Variants in TRMT61B observed in about 807,000 individuals in gnomAD.
TRMT61B encodes the protein tRNA (adenine(58)-N(1))-methyltransferase, mitochondrial.
In TRMT61B, 56 loss-of-function variants were observed where a neutral mutation model predicts 52.0. That is an observed-to-expected ratio of 1.08 (90% CI 0.87 to 1.35). The LOEUF (loss-of-function observed/expected upper bound fraction) is 1.35, where lower values mean the gene tolerates loss of function less well. TRMT61B is among the 40% of genes most tolerant of loss of function. TRMT61B has a pLI of 0.00. For missense variants in TRMT61B, 650 were observed against 577.9 expected, an observed-to-expected ratio of 1.12 and a Z score of -1.28; for synonymous variants, 206 against 220.0, an observed-to-expected ratio of 0.94 and a Z score of 0.56.
At position 28,869,562 on chromosome 2, in the gene TRMT61B, T is replaced by C; in HGVS notation, c.699+17A>G. On this transcript the variant is annotated intron_variant, in intron 1 of 6. Coordinates refer to ENST00000306108, the MANE Select transcript of TRMT61B (RefSeq NM_017910.4). Reference sequence around the variant, plus strand: ...CCCCTCCTGAAACCAATACACACCTTATCTCCATCGCATTACCTTTGGGAA... The same window carrying C: ...CCCCTCCTGAAACCAATACACACCTCATCTCCATCGCATTACCTTTGGGAA... 6.3e-7 allele frequency: 1 copy of C among 1,576,344 alleles called. No individual in the cohort carries two copies. Among genetic ancestry groups the C allele is most frequent in the Non-Finnish European group, 8.7e-7 (1 of 1,149,706 alleles).
chr2:28,867,739 A>G (rs983576090), intron 1 of TRMT61B, among the ~76,000 whole-genome samples: 1 of 152,138 alleles, frequency 6.6e-6, no homozygotes, highest in African/African-American at 2.4e-5. Context: ...TAAAATTACG[A>G]AAGTCTTTTA....
rs1302612587 is a variant in TRMT61B, at chr2:28,869,947, G to A, written c.331C>T (p.Arg111Trp). The change falls in exon 1 of 7, where the codon CGG (arginine) becomes TGG (tryptophan). Residue 111 changes from arginine to tryptophan, a missense_variant. Physicochemically the swap from Arg to Trp is moderately radical, Grantham distance 101. Transcript: ENST00000306108. ...GATCCCTGGTGTGTGGGACCGCACCGGCCCTGGTCTCCGCTCGAGTCCTCG... is the reference window on the plus strand; with the variant it reads ...GATCCCTGGTGTGTGGGACCGCACCAGCCCTGGTCTCCGCTCGAGTCCTCG... ...ELEDSSGDQG[R>W]CGPTHQGSED... The A allele has an allele frequency of 6.2e-7, 1 of 1,613,860 alleles. No homozygotes were observed. Among genetic ancestry groups the A allele is most frequent in the Non-Finnish European group, 8.5e-7 (1 of 1,179,998 alleles).
intron 3 of TRMT61B, among the ~76,000 whole-genome samples, chr2:28,857,081 G>C (rs1271575037): frequency 1.3e-5 from 2 of 151,888 alleles, no homozygotes; most frequent in African/African-American, 4.8e-5. Flanking sequence ...TTACTGGCTT[G>C]CACCATCACA....
Position 28,870,106 on chromosome 2 carries a change from G to T in TRMT61B, c.172C>A (p.Gln58Lys). ...GACTCTGCTCCTGGGGCTTTCCTTTGTGCCGCCTCGTGCTCTCTTTCTCCA... is the reference window on the plus strand; with the variant it reads ...GACTCTGCTCCTGGGGCTTTCCTTTTTGCCGCCTCGTGCTCTCTTTCTCCA... The part of the protein sequence containing the change: ...RDGEREHEAA[Q>K]RKAPGAESCP... Residue 58 changes from glutamine (Q) to lysine (K), a missense_variant, in exon 1 of 7, where the codon CAA becomes AAA. Coordinates refer to ENST00000306108, the MANE Select transcript of TRMT61B (RefSeq NM_017910.4). 6.2e-7 allele frequency: 1 copy of T among 1,614,036 alleles called. No homozygotes were observed. Among genetic ancestry groups the T allele is most frequent in the South Asian group, 1.1e-5 (1 of 91,074 alleles).
intron 3 of TRMT61B, among the ~76,000 whole-genome samples, chr2:28,858,378 T>A (rs1246120381): frequency 1.3e-5 from 2 of 152,066 alleles, no homozygotes; most frequent in African/African-American, 4.8e-5. Context: ...CTATTTTTTT[T>A]AATGGTTTAA....
chr2:28,854,499 C>G (rs766468734), intron 3 of TRMT61B, among the ~76,000 whole-genome samples: 1 of 151,752 alleles, frequency 6.6e-6, no homozygotes, highest in African/African-American at 2.4e-5. Context: ...CAGCACTTTG[C>G]GAGGCCGAGG....
At chr2:28,857,271 T>C (rs1375418572) in intron 3 of TRMT61B, among the ~76,000 whole-genome samples, 2 of 152,048 alleles carry the variant, frequency 1.3e-5, no homozygotes, top group African/African-American at 2.4e-5. Flanking sequence ...ATATTTCTTA[T>C]TCATTTTTTG....
intron 3 of TRMT61B, among the ~76,000 whole-genome samples, chr2:28,859,591 C>T (rs1367910110): frequency 6.6e-6 from 1 of 151,952 alleles, no homozygotes; most frequent in Non-Finnish European, 1.5e-5. Flanking sequence ...CCCCCAGCAG[C>T]TGACACCCCC....
Position 28,850,059 on chromosome 2 carries a change from T to G in TRMT61B, c.*140A>C, listed in dbSNP as rs1006839180. ...GCTATGTTATACATCTTTTAGTTGT[T>G]ATTTTCAAAATTATATGTATAAGTT... On this transcript the variant is annotated 3_prime_UTR_variant, in exon 7 of 7. Transcript: ENST00000306108. 1 of 1,165,472 alleles carries G rather than the reference T, an allele frequency of 8.6e-7. No homozygotes were observed. Among genetic ancestry groups the G allele is most frequent in the African/African-American group, 1.6e-5 (1 of 63,516 alleles). 72.2% of individuals were successfully genotyped at this position (1,165,472 alleles called of 1,614,324 possible).
rs1328292680 is a variant in TRMT61B, at chr2:28,851,274, T to C, written c.1110A>G (p.Leu370=). 4 of 1,612,762 alleles carry C rather than the reference T, an allele frequency of 2.5e-6. No individual in the cohort carries two copies. Among genetic ancestry groups the C allele is most frequent in the South Asian group, 1.1e-5 (1 of 90,712 alleles). ...VVNITQVIEL[L]DGIRTCELAL... is the part of the protein sequence containing the mutation. ...CAAGTTCACAGGTGCGAATTCCATCTAAAAGTTCAATAACCTGTGTGATGC... is the reference window on the plus strand; with the variant it reads ...CAAGTTCACAGGTGCGAATTCCATCCAAAAGTTCAATAACCTGTGTGATGC... The change falls in exon 5 of 7, where the codon TTA becomes TTG. Residue 370 remains leucine, a synonymous_variant. Coordinates refer to ENST00000306108, the MANE Select transcript of TRMT61B (RefSeq NM_017910.4).
chr2:28,851,201 C>T lies in TRMT61B; in HGVS notation c.1183G>A (p.Val395Ile). The T allele has an allele frequency of 6.2e-7, 1 of 1,613,550 alleles. No homozygotes were observed. Among genetic ancestry groups the T allele is most frequent in the Non-Finnish European group, 8.5e-7 (1 of 1,179,806 alleles). ...CCATTTTTCTGTTTTGCAAGGCAAA[C>T]CAACCAATCTCTGACAATGACCTCG... Reference protein sequence around the residue: ...ISEVIVRDWLVCLAKQKNGIL... With the variant: ...ISEVIVRDWLICLAKQKNGIL... The change falls in exon 5 of 7, where the codon GTT (valine) becomes ATT (isoleucine). Residue 395 changes from valine to isoleucine, a missense_variant. Transcript: ENST00000306108.
chr2:28,859,102 T>C (rs745597936), intron 3 of TRMT61B, among the ~76,000 whole-genome samples: 1 of 151,576 alleles, frequency 6.6e-6, no homozygotes, highest in Non-Finnish European at 1.5e-5. Flanking sequence ...TTTTTTGAGA[T>C]GCAGTCTCGC....
chr2:28,865,002 A>C lies in TRMT61B; in HGVS notation c.802+15T>G. 3 of 1,493,552 alleles carry C rather than the reference A, an allele frequency of 2.0e-6. No homozygotes were observed. The highest frequency in any genetic ancestry group is 1.1e-5 in the South Asian group (1 of 88,358). 92.5% of individuals were successfully genotyped at this position (1,493,552 alleles called of 1,614,324 possible). On this transcript the variant is annotated intron_variant, in intron 2 of 6. Coordinates refer to ENST00000306108, the MANE Select transcript of TRMT61B (RefSeq NM_017910.4). Reference sequence around the variant, plus strand: ...TTTCTTTGTTACTGAGATCCAGCTCAGTCCAATCTCTTACCTGCTTTGGAT... The same window carrying C: ...TTTCTTTGTTACTGAGATCCAGCTCCGTCCAATCTCTTACCTGCTTTGGAT...
At chr2:28,862,880 G>A (rs559773873) in intron 2 of TRMT61B, among the ~76,000 whole-genome samples, 2 of 150,358 alleles carry the variant, frequency 1.3e-5, no homozygotes, top group African/African-American at 4.9e-5. Flanking sequence ...GTGTGTGTGT[G>A]TGTGTGTGTG....
chr2:28,861,233 T>C lies in TRMT61B; in HGVS notation c.878A>G (p.His293Arg). The change falls in exon 3 of 7, where the codon CAC (histidine) becomes CGC (arginine). Residue 293 changes from histidine (H) to arginine (R), a missense_variant. Transcript: ENST00000306108. ...HHDLAKKNYK[H>R]WRDSWKLSHV... ...ACTTAATTTCCATGAATCACGCCAG[T>C]GTTTGTAATTCTTCTTAGCCAGATC... 6.2e-7 allele frequency: 1 copy of C among 1,613,800 alleles called. No homozygotes were observed.
chr2:28,861,011 T>C (rs1035459942), intron 3 of TRMT61B, 107 bp downstream of exon 3: 50 of 911,044 alleles, frequency 5.5e-5, no homozygotes, highest in African/African-American at 2.2e-4. Flanking sequence ...TCCCTAGAGA[T>C]AGACATGAAG....
Position 28,859,081 on chromosome 2 carries a change from T to G in TRMT61B, c.993+2037A>C, listed in dbSNP as rs544509638. Among the ~76,000 whole-genome samples, 5 of 149,980 alleles carry G rather than the reference T, an allele frequency of 3.3e-5. No individual in the cohort carries two copies. The East Asian group carries it at 6.1e-4, about 18-fold the overall frequency. On this transcript the variant is annotated intron_variant, in intron 3 of 6. Transcript: ENST00000306108. ...GGCTAATTCTTGTATTTTTCTTTCT[T>G]TCTTTCTTTCTTTTTTGAGATGCAG... is the stretch of plus-strand genomic sequence containing the variant.
At chr2:28,864,740 T>G (rs1669756013) in intron 2 of TRMT61B, among the ~76,000 whole-genome samples, 4 of 152,160 alleles carry the variant, frequency 2.6e-5, no homozygotes, top group African/African-American at 9.7e-5. Flanking sequence ...TGTAGCCATA[T>G]TATATTCCAA....
chr2:28,860,133 ATGG>A (rs1669535986), intron 3 of TRMT61B, among the ~76,000 whole-genome samples: 1 of 151,634 alleles, frequency 6.6e-6, no homozygotes, highest in Non-Finnish European at 1.5e-5. Context: ...TTAGCTGGCC[ATGG>A]TGGCGTGCAC....
Sources: gnomAD v4.1 joint callset for allele counts (sites outside exome capture counted in the v4.1 genomes callset) on GRCh38, gnomAD v4.1.1 for gene constraint, MANE v1.5 for transcripts, NCBI Gene and HGNC (gene_info 2026-07-23, HGNC 2026-07-21) for gene names.